Variants in SLC38A12 observed in about 807,000 individuals in gnomAD.
The protein encoded by SLC38A12 is putative sodium-coupled neutral amino acid transporter 12.
chr17:74,800,880 G>C, the SLC38A12 span, among the ~76,000 whole-genome samples: 1 of 152,238 alleles, frequency 6.6e-6, no homozygotes, highest in Admixed American at 6.5e-5. Flanking sequence ...TCTCTGTTTA[G>C]GAGTCTAGTG....
the SLC38A12 span, among the ~76,000 whole-genome samples, chr17:74,786,587 C>G: frequency 0.61 from 93,429 of 152,032 alleles, 29,151 homozygotes; most frequent in African/African-American, 0.65. Context: ...AGGATGCCGG[C>G]TGAAGCAGGG....
the SLC38A12 span, among the ~76,000 whole-genome samples, chr17:74,782,598 T>G: frequency 6.6e-6 from 1 of 152,192 alleles, no homozygotes. Flanking sequence ...AAACATGAGT[T>G]AGTTATAGAC....
At chr17:74,791,894 C>A in the SLC38A12 span, among the ~76,000 whole-genome samples, 1 of 152,240 alleles carries the variant, frequency 6.6e-6, no homozygotes, top group African/African-American at 2.4e-5. Flanking sequence ...CTCCTGTAAT[C>A]CCAGCACTTT....
At chr17:74,824,984 A>G in the SLC38A12 span, among the ~76,000 whole-genome samples, 7 of 152,210 alleles carry the variant, frequency 4.6e-5, no homozygotes, top group Admixed American at 2.0e-4. Flanking sequence ...TGATCCCTGC[A>G]GACAGCCTCC....
the SLC38A12 span, chr17:74,836,636 C>G: frequency 1.9e-6 from 3 of 1,612,472 alleles, no homozygotes; most frequent in Non-Finnish European, 2.5e-6. This position sits in a 1 kb window ranked among gnomAD's most constrained non-coding sequence, Gnocchi z 4.2. Context: ...GGGCTTTCTC[C>G]TGCTTCATTT....
At chr17:74,836,760 T>A in the SLC38A12 span, 2 of 1,507,466 alleles carry the variant, frequency 1.3e-6, no homozygotes, top group Non-Finnish European at 1.8e-6. The surrounding 1 kb of genome is among the most constrained non-coding windows in gnomAD (Gnocchi z 4.2). Flanking sequence ...AGAGCCCAGA[T>A]TTAGTTGCTC....
At chr17:74,804,437 G>A in the SLC38A12 span, among the ~76,000 whole-genome samples, 2 of 152,252 alleles carry the variant, frequency 1.3e-5, no homozygotes, top group East Asian at 1.9e-4. Context: ...AGGGTTTACA[G>A]CCAGCAGAGA....
At chr17:74,797,974 T>G in the SLC38A12 span, among the ~76,000 whole-genome samples, 6 of 152,338 alleles carry the variant, frequency 3.9e-5, no homozygotes, top group East Asian at 1.2e-3. Context: ...TTCAGAAGAT[T>G]GTCCATCCCT....
the SLC38A12 span, among the ~76,000 whole-genome samples, chr17:74,827,446 C>T: frequency 4.6e-5 from 7 of 152,174 alleles, no homozygotes; most frequent in South Asian, 1.5e-3. This position sits in a 1 kb window ranked among gnomAD's most constrained non-coding sequence, Gnocchi z 4.7. Context: ...CAAGCATGGG[C>T]CACCACGCCC....
chr17:74,790,406 C>T, the SLC38A12 span: 1 of 994,464 alleles, frequency 1.0e-6, no homozygotes, highest in Non-Finnish European at 1.6e-6. Context: ...CATTTCCTGC[C>T]CCTGGGTTCT....
the SLC38A12 span, among the ~76,000 whole-genome samples, chr17:74,826,714 A>G: frequency 3.3e-5 from 5 of 152,200 alleles, no homozygotes; most frequent in Admixed American, 2.0e-4. Flanking sequence ...GCCCAAGTGT[A>G]GGCAGGTGCC....
At chr17:74,836,833 T>C in the SLC38A12 span, 5 of 1,404,884 alleles carry the variant, frequency 3.6e-6, no homozygotes, top group Non-Finnish European at 4.6e-6. This position sits in a 1 kb window ranked among gnomAD's most constrained non-coding sequence, Gnocchi z 4.2. Flanking sequence ...CAGCTGGGGT[T>C]GTTCTCCCCA....
the SLC38A12 span, among the ~76,000 whole-genome samples, chr17:74,813,460 G>A: frequency 6.6e-6 from 1 of 152,118 alleles, no homozygotes; most frequent in Non-Finnish European, 1.5e-5. Flanking sequence ...TCATTCTCCT[G>A]TCTCCCCTTT....
At chr17:74,837,999 C>G in the SLC38A12 span, 29 of 985,886 alleles carry the variant, frequency 2.9e-5, no homozygotes, top group East Asian at 3.2e-3. Context: ...CTCAGCCCCT[C>G]CCCTGTATCT....
At chr17:74,819,168 C>G in the SLC38A12 span, among the ~76,000 whole-genome samples, 1 of 152,190 alleles carries the variant, frequency 6.6e-6, no homozygotes, top group Non-Finnish European at 1.5e-5. Context: ...CCCTGGAAGC[C>G]AGGGGCTCTC....
chr17:74,811,601 G>A, the SLC38A12 span, among the ~76,000 whole-genome samples: 1 of 151,846 alleles, frequency 6.6e-6, no homozygotes, highest in Admixed American at 6.6e-5. Context: ...TATGCCTGTA[G>A]CCCCAGCTAC....
chr17:74,787,742 T>C, the SLC38A12 span, among the ~76,000 whole-genome samples: 1 of 151,630 alleles, frequency 6.6e-6, no homozygotes, highest in African/African-American at 2.4e-5. Flanking sequence ...TTCTGTATCC[T>C]CCGTTAACAA....
chr17:74,776,996 C>G, the SLC38A12 span, among the ~76,000 whole-genome samples: 1 of 152,146 alleles, frequency 6.6e-6, no homozygotes, highest in Non-Finnish European at 1.5e-5. Context: ...TTTAGAGGCC[C>G]CTTAAATCAC....
the SLC38A12 span, chr17:74,791,143 G>A: frequency 1.0e-6 from 1 of 991,150 alleles, no homozygotes; most frequent in Non-Finnish European, 1.5e-6. Context: ...AGACCATGGG[G>A]CAGAGCAGGT....
Sources: gnomAD v4.1 joint callset for allele counts (sites outside exome capture counted in the v4.1 genomes callset) on GRCh38, gnomAD v4.1.1 for gene constraint, Gnocchi (gnomAD v3.1) non-coding constraint, MANE v1.5 for transcripts, NCBI Gene and HGNC (gene_info 2026-07-23, HGNC 2026-07-21) for gene names.